RABGAP1L: variants seen among roughly 807,000 people sequenced by gnomAD.
The protein encoded by RABGAP1L is RAB GTPase activating protein 1 like.
RABGAP1L carries 63 observed loss-of-function variants against 137.7 expected under a neutral mutation model. The observed-to-expected ratio is 0.46, with a 90% CI of 0.37 to 0.56. The LOEUF (loss-of-function observed/expected upper bound fraction) is 0.56, where lower values mean the gene tolerates loss of function less well. RABGAP1L is among the 20% of genes least tolerant of loss of function. The pLI, the probability that RABGAP1L is intolerant of heterozygous loss-of-function variation, is 0.00. For missense variants in RABGAP1L, 1,095 were observed against 1,244.0 expected (o/e 0.88, Z 1.80); for synonymous variants, 431 against 433.7 (o/e 0.99, Z 0.08).
Position 174,310,958 on chromosome 1 carries a change from A to G in RABGAP1L, c.1465+5831A>G, listed in dbSNP as rs749708828. 7.7e-4 allele frequency among the ~76,000 whole-genome samples: 117 copies of G among 152,284 alleles called. 1 individual carries two copies. The highest frequency in any genetic ancestry group is 1.3e-3 in the Non-Finnish European group (91 of 68,022). ...TTGTACAATTAAGTTATTATTGACT[A>G]TAGTCATCCTGTGTGCTGTCAAATA... On this transcript the variant is annotated intron_variant, in intron 11 of 25. Transcript: ENST00000681986.
chr1:174,349,066 C>T (rs1266536340), intron 11 of RABGAP1L, among the ~76,000 whole-genome samples: 4 of 149,730 alleles, frequency 2.7e-5, no homozygotes, highest in Admixed American at 2.7e-4. Flanking sequence ...TGACCCCCCC[C>T]ACCTCCCTCC....
intron 13 of RABGAP1L, among the ~76,000 whole-genome samples, chr1:174,590,336 CT>C (rs1158642763): frequency 0.023 from 2,908 of 125,920 alleles, 74 homozygotes; most frequent in African/African-American, 0.065. Context: ...GTTTTTTTTT[CT>C]TTTTTTTTTT....
intron 19 of RABGAP1L, among the ~76,000 whole-genome samples, chr1:174,895,184 TATTC>T (rs1242059516): frequency 6.6e-6 from 1 of 152,212 alleles, no homozygotes; most frequent in East Asian, 1.9e-4. Flanking sequence ...GAATGAAAAT[TATTC>T]ATTCTTTCAA....
intron 13 of RABGAP1L, among the ~76,000 whole-genome samples, chr1:174,570,772 C>G (rs1490855608): frequency 6.6e-6 from 1 of 152,026 alleles, no homozygotes; most frequent in African/African-American, 2.4e-5. Flanking sequence ...CAGGCAATAC[C>G]CAATGCTAGC....
intron 13 of RABGAP1L, among the ~76,000 whole-genome samples, chr1:174,575,802 A>C (rs1668328576): frequency 6.6e-6 from 1 of 152,152 alleles, no homozygotes; most frequent in Non-Finnish European, 1.5e-5. Flanking sequence ...ATAGACACAC[A>C]CAAGATAGTG....
intron 19 of RABGAP1L, among the ~76,000 whole-genome samples, chr1:174,838,784 G>A (rs1693027306): frequency 6.6e-6 from 1 of 151,578 alleles, no homozygotes; most frequent in Non-Finnish European, 1.5e-5. Context: ...GGGCTTGCTG[G>A]CGGGCGCCTG....
chr1:174,174,496 C>T (rs958401112), intron 1 of RABGAP1L, among the ~76,000 whole-genome samples: 32 of 152,116 alleles, frequency 2.1e-4, no homozygotes, highest in African/African-American at 7.0e-4. Context: ...TGAGAAATCC[C>T]GTGATAGGCC....
chr1:174,617,785 A>T (rs1672031952), intron 13 of RABGAP1L, among the ~76,000 whole-genome samples: 1 of 152,222 alleles, frequency 6.6e-6, no homozygotes, highest in Non-Finnish European at 1.5e-5. Context: ...TACATCTCCC[A>T]GCGTGAGCGA....
intron 16 of RABGAP1L, 76 bp from the exon 17 acceptor site, chr1:174,702,036 GT>G (rs1679703652): frequency 2.2e-6 from 3 of 1,351,310 alleles, no homozygotes; most frequent in Admixed American, 2.1e-5. Flanking sequence ...CTGTTTGTAA[GT>G]TGCAGTTGTG....
chr1:174,633,420 A>G (rs376782084), intron 13 of RABGAP1L, among the ~76,000 whole-genome samples: 28 of 150,954 alleles, frequency 1.9e-4, no homozygotes, highest in African/African-American at 5.9e-4. Context: ...CATGCTCATG[A>G]GTAGGAAGAA....
chr1:174,719,502 C>G lies in RABGAP1L; in HGVS notation c.2169+17246C>G, dbSNP rs540076778. Reference sequence around the variant, plus strand: ...TCAAGAAAAGATCCTTTAATTTAATCTAGCATTTGGATAAAACCCTTGAAA... The same window carrying G: ...TCAAGAAAAGATCCTTTAATTTAATGTAGCATTTGGATAAAACCCTTGAAA... On this transcript the variant is annotated intron_variant, in intron 17 of 25. Coordinates refer to ENST00000681986, the MANE Select transcript of RABGAP1L (RefSeq NM_001366446.1). Among the ~76,000 whole-genome samples, 110 of 152,272 alleles carry G rather than the reference C, an allele frequency of 7.2e-4. 1 individual carries two copies. Among genetic ancestry groups the G allele is most frequent in the African/African-American group, 2.4e-3 (101 of 41,562 alleles).
chr1:174,709,225 G>T (rs1210656949), intron 17 of RABGAP1L, among the ~76,000 whole-genome samples: 1 of 152,222 alleles, frequency 6.6e-6, no homozygotes, highest in Admixed American at 6.5e-5. Flanking sequence ...GCACCTGGGG[G>T]AAGGGGTGGC....
chr1:174,414,025 C>G (rs1400046322), intron 13 of RABGAP1L, among the ~76,000 whole-genome samples: 1 of 152,024 alleles, frequency 6.6e-6, no homozygotes. Context: ...TGAATGGCAC[C>G]ATGTATGGTC....
intron 19 of RABGAP1L, among the ~76,000 whole-genome samples, chr1:174,881,097 A>T (rs778337956): frequency 6.6e-6 from 1 of 152,162 alleles, no homozygotes; most frequent in Non-Finnish European, 1.5e-5. Flanking sequence ...GGACGCAGGC[A>T]CATAAGAGAC....
intron 13 of RABGAP1L, among the ~76,000 whole-genome samples, chr1:174,632,391 G>C (rs1041023688): frequency 6.8e-5 from 10 of 147,680 alleles, no homozygotes; most frequent in Non-Finnish European, 1.2e-4. Flanking sequence ...TCTTCTCGAG[G>C]AGTATCTTTG....
chr1:174,506,699 G>A (rs2147785507), intron 13 of RABGAP1L, among the ~76,000 whole-genome samples: 1 of 152,250 alleles, frequency 6.6e-6, no homozygotes. Flanking sequence ...AAAACATCAT[G>A]TTGTCTACGC....
At chr1:174,575,294 TA>T (rs1276743814) in intron 13 of RABGAP1L, among the ~76,000 whole-genome samples, 1 of 152,186 alleles carries the variant, frequency 6.6e-6, no homozygotes, top group Non-Finnish European at 1.5e-5. Flanking sequence ...ATATATTTGG[TA>T]AAAAACATAC....
At chr1:174,349,661 G>A (rs7523361) in intron 11 of RABGAP1L, among the ~76,000 whole-genome samples, 15,599 of 98,242 alleles carry the variant, frequency 0.16, 1,144 homozygotes, top group African/African-American at 0.26. Context: ...CCTCCCGGAC[G>A]AGGCGGCTGG....
In RABGAP1L at chr1:174,988,767, CA is replaced by C; in HGVS notation, c.2933del (p.Gln978ArgfsTer2). 1 of 1,550,114 alleles carries C rather than the reference CA, an allele frequency of 6.5e-7. No homozygotes were observed. The highest frequency in any genetic ancestry group is 8.7e-7 in the Non-Finnish European group (1 of 1,146,722). On this transcript the variant is annotated frameshift_variant, in exon 25 of 26. Transcript: ENST00000681986. LOFTEE classifies it high-confidence loss of function. ...TGATGAGAAGGACTCACTTAAGAAG[CA>C]GCTGAGAGAGATGGAACTGGAACTG... ...TDDEKDSLKK[Q>X]LREMELELAQ...
Sources: allele counts gnomAD v4.1 joint callset (sites outside exome capture counted in the v4.1 genomes callset), GRCh38; gene constraint gnomAD v4.1.1; transcripts MANE v1.5; gene names NCBI Gene and HGNC (gene_info 2026-07-23, HGNC 2026-07-21).